IGSF3: variants seen among roughly 807,000 people sequenced by gnomAD.
The protein encoded by IGSF3 is glu-Trp-Ile EWI motif-containing protein 3.
In IGSF3, 23 loss-of-function variants were observed where a neutral mutation model predicts 114.4. The observed-to-expected ratio is 0.20, with a 90% CI of 0.14 to 0.28. The LOEUF is 0.28. IGSF3 is among the 10% of genes least tolerant of loss of function. The pLI is 1.00. For synonymous variants in IGSF3, 571 were observed against 645.2 expected (o/e 0.88, Z 1.74); for missense variants, 1,172 against 1,591.5 (o/e 0.74, Z 4.48).
intron 2 of IGSF3, among the ~76,000 whole-genome samples, chr1:116,640,852 T>TTAG (rs946500467): frequency 6.6e-5 from 10 of 152,370 alleles, no homozygotes; most frequent in African/African-American, 2.4e-4. Context: ...GTTTAAGTGT[T>TTAG]TCTATTCTTT....
In IGSF3 at chr1:116,603,912, C is replaced by G; in HGVS notation, c.1336G>C (p.Val446Leu). Residue 446 changes from valine (V) to leucine (L), a missense_variant, in exon 6 of 11, where the codon GTC (valine) becomes CTC (leucine). Transcript: ENST00000369486. This position sits in a 1 kb window ranked among gnomAD's most constrained non-coding sequence, Gnocchi z 7.1. ...TAGRPQGRFS[V>L]IWQLVDRQNR... ...TGCCTGTCCACAAGCTGCCAGATGA[C>G]AGAGAAGCGACCCTGCGGCCTGCCT... 1 of 1,614,092 alleles carries G rather than the reference C, an allele frequency of 6.2e-7. No individual in the cohort carries two copies. The highest frequency in any genetic ancestry group is 8.5e-7 in the Non-Finnish European group (1 of 1,180,010).
In IGSF3 at chr1:116,661,998, A is replaced by AGAGAG. The variant is rs1491538748; in HGVS notation, c.43+4281_43+4285dup. Among the ~76,000 whole-genome samples, 1 of 152,104 alleles carries AGAGAG rather than the reference A, an allele frequency of 6.6e-6. No homozygotes were observed. The highest frequency in any genetic ancestry group is 2.4e-5 in the African/African-American group (1 of 41,392). ...TGGACCATGAAGTCATCTTGGGAAT[A>AGAGAG]GAGAGCATGCACATGGAGCAAGACA... On this transcript the variant is annotated intron_variant, in intron 2 of 10. Coordinates refer to ENST00000369486, the MANE Select transcript of IGSF3 (RefSeq NM_001007237.3). This position sits in a 1 kb window ranked among gnomAD's most constrained non-coding sequence, Gnocchi z 4.0.
rs945023721 is a variant in IGSF3, at chr1:116,617,423, T to C, written c.44-966A>G. 72 of 955,002 alleles carry C rather than the reference T, an allele frequency of 7.5e-5. No individual in the cohort carries two copies. In the South Asian group the frequency reaches 1.1e-3, roughly 14 times the overall value. 59.2% of individuals were successfully genotyped at this position (955,002 alleles called of 1,614,324 possible). ...TTCGGCAGTGGTCACGTACTGCAGGTTGTGAAAAGCGCAGGTGAGTTACAG... is the reference window on the plus strand; with the variant it reads ...TTCGGCAGTGGTCACGTACTGCAGGCTGTGAAAAGCGCAGGTGAGTTACAG... On this transcript the variant is annotated intron_variant, in intron 2 of 10. Transcript: ENST00000369486.
chr1:116,614,134 G>A lies in IGSF3; in HGVS notation c.463C>T (p.Leu155=), dbSNP rs547320168. 16 of 1,613,612 alleles carry A rather than the reference G, an allele frequency of 9.9e-6. No homozygotes were observed. In the South Asian group the frequency reaches 1.6e-4, roughly 17 times the overall value. The change falls in exon 4 of 11, where the codon CTG becomes TTG. Residue 155 remains leucine, a synonymous_variant. Transcript: ENST00000369486. This position sits in a 1 kb window ranked among gnomAD's most constrained non-coding sequence, Gnocchi z 4.5. ...AGCGGGTCCTGCTCCACTCTGTGCAGAGTCTGGGGCATGGCAGTGGTCTGC... is the reference window on the plus strand; with the variant it reads ...AGCGGGTCCTGCTCCACTCTGTGCAAAGTCTGGGGCATGGCAGTGGTCTGC... ...SLQTTAMPQT[L]HRVEQDPLEL...
rs547347740 is a variant in IGSF3, at chr1:116,596,307, C to T, written c.2029+3634G>A. Among the ~76,000 whole-genome samples the T allele has an allele frequency of 5.3e-5, 8 of 152,212 alleles. No homozygotes were observed. Among genetic ancestry groups the T allele is most frequent in the Non-Finnish European group, 1.0e-4 (7 of 67,994 alleles). On this transcript the variant is annotated intron_variant, in intron 7 of 10. Coordinates refer to ENST00000369486, the MANE Select transcript of IGSF3 (RefSeq NM_001007237.3). This position sits in a 1 kb window ranked among gnomAD's most constrained non-coding sequence, Gnocchi z 4.1. The stretch of plus-strand genomic sequence containing the variant: ...ATATTTAACACAATATTCTTTAAAA[C>T]GGGGGTAGCAGGGGACATTTCTATG...
intron 2 of IGSF3, among the ~76,000 whole-genome samples, chr1:116,659,269 G>A (rs537155485): frequency 1.3e-5 from 2 of 152,272 alleles, no homozygotes; most frequent in African/African-American, 4.8e-5. Context: ...TGAAGGTGGA[G>A]TTCAAAAATA....
intron 6 of IGSF3, among the ~76,000 whole-genome samples, chr1:116,602,382 C>G (rs1660629944): frequency 6.6e-6 from 1 of 151,410 alleles, no homozygotes; most frequent in African/African-American, 2.4e-5. Context: ...AAAAACACAC[C>G]AGTACTGGAC....
At chr1:116,613,116 C>A (rs1661086372) in intron 4 of IGSF3, among the ~76,000 whole-genome samples, 1 of 152,158 alleles carries the variant, frequency 6.6e-6, no homozygotes, top group Non-Finnish European at 1.5e-5. Context: ...CTCTTGAGCC[C>A]CAACATAAAG....
rs776912571 is a variant in IGSF3 at position 116,603,945 on chromosome 1, G to C, written c.1303C>G (p.Arg435Gly). 4 of 1,613,782 alleles carry C rather than the reference G, an allele frequency of 2.5e-6. No homozygotes were observed. The South Asian group carries it at 3.3e-5, about 13-fold the overall frequency. Residue 435 changes from arginine to glycine, a missense_variant, in exon 6 of 11, where the codon CGC becomes GGC. Physicochemically the swap from Arg to Gly is moderately radical, Grantham distance 125. Around this residue, in one of 3 missense-constraint regions of IGSF3, gnomAD observed 736 missense variants for 1,042.0 expected, o/e 0.71. Transcript: ENST00000369486. The surrounding 1 kb of genome is among the most constrained non-coding windows in gnomAD (Gnocchi z 7.1). ...CGACCCTGCGGCCTGCCTGCCGTGC[G>C]GACACTGCAGGAGAAGCGCAGGTCC... is the stretch of plus-strand genomic sequence containing the variant. ...GEDLRFSCSVRTAGRPQGRFS... is the reference protein window; with the variant it reads ...GEDLRFSCSVGTAGRPQGRFS...
Position 116,636,050 on chromosome 1 carries a change from C to T in IGSF3, c.44-19593G>A, listed in dbSNP as rs1288555562. Among the ~76,000 whole-genome samples, 2 of 152,180 alleles carry T rather than the reference C, an allele frequency of 1.3e-5. No homozygotes were observed. Among genetic ancestry groups the T allele is most frequent in the Non-Finnish European group, 2.9e-5 (2 of 68,044 alleles). On this transcript the variant is annotated intron_variant, in intron 2 of 10. Coordinates refer to ENST00000369486, the MANE Select transcript of IGSF3 (RefSeq NM_001007237.3). The surrounding 1 kb of genome is among the most constrained non-coding windows in gnomAD (Gnocchi z 4.5). The stretch of plus-strand genomic sequence containing the variant: ...TTCTCCTGAACACCCTTTCCCAGTA[C>T]ACCTCCACTCGCCAGAACAACTGTC...
At chr1:116,652,589 G>C (rs1648678780) in intron 2 of IGSF3, among the ~76,000 whole-genome samples, 1 of 152,172 alleles carries the variant, frequency 6.6e-6, no homozygotes, top group South Asian at 2.1e-4. Flanking sequence ...GAGGTAGGTA[G>C]AAATAGAAAA....
chr1:116,663,496 G>A (rs1649197397), intron 2 of IGSF3, among the ~76,000 whole-genome samples: 1 of 151,446 alleles, frequency 6.6e-6, no homozygotes, highest in Non-Finnish European at 1.5e-5. Flanking sequence ...GGGTTGTGGT[G>A]GCAGAGCCAT....
Position 116,644,930 on chromosome 1 carries a change from T to C in IGSF3, c.43+21354A>G, listed in dbSNP as rs972411221. Reference sequence around the variant, plus strand: ...CCTTCATACATGGCTGGTGGGGAGGTAGGATGGTGCAGCCACTTTGGAAAA... The same window carrying C: ...CCTTCATACATGGCTGGTGGGGAGGCAGGATGGTGCAGCCACTTTGGAAAA... On this transcript the variant is annotated intron_variant, in intron 2 of 10. Transcript: ENST00000369486. The surrounding 1 kb of genome is among the most constrained non-coding windows in gnomAD (Gnocchi z 5.6). 6.6e-6 allele frequency among the ~76,000 whole-genome samples: 1 copy of C among 151,712 alleles called. No homozygotes were observed.
intron 7 of IGSF3, among the ~76,000 whole-genome samples, chr1:116,590,314 T>C (rs1660051470): frequency 6.7e-6 from 1 of 150,224 alleles, no homozygotes; most frequent in Non-Finnish European, 1.5e-5. Flanking sequence ...ACCCACCCCA[T>C]CATCATTAAC....
Position 116,608,178 on chromosome 1 carries a change from C to G in IGSF3, c.986G>C (p.Gly329Ala), listed in dbSNP as rs775386013. The part of the protein sequence containing the change: ...AFNSSLIATM[G>A]PNAVPVLNSE... ...GTTGAGGACAGGCACAGCGTTAGGACCCATGGTGGCGATGAGCGAGCTGTT... is the reference window on the plus strand; with the variant it reads ...GTTGAGGACAGGCACAGCGTTAGGAGCCATGGTGGCGATGAGCGAGCTGTT... Residue 329 changes from glycine to alanine, a missense_variant, in exon 5 of 11, where the codon GGT (glycine) becomes GCT (alanine). By Grantham distance (60) the Gly-to-Ala change is moderately conservative. Transcript: ENST00000369486. 3 of 1,612,050 alleles carry G rather than the reference C, an allele frequency of 1.9e-6. No homozygotes were observed. In the South Asian group the frequency reaches 3.3e-5, roughly 18 times the overall value.
chr1:116,635,621 G>A (rs927230971), intron 2 of IGSF3, among the ~76,000 whole-genome samples: 1 of 152,152 alleles, frequency 6.6e-6, no homozygotes, highest in Admixed American at 6.5e-5. Context: ...TTAAGAAAAG[G>A]CTTAAGGCAG....
intron 2 of IGSF3, among the ~76,000 whole-genome samples, chr1:116,620,321 G>A (rs1661374298): frequency 6.6e-6 from 1 of 152,138 alleles, no homozygotes; most frequent in African/African-American, 2.4e-5. Context: ...GACAAGAAGG[G>A]GACTGCAGAT....
At chr1:116,653,107 C>T (rs1648699552) in intron 2 of IGSF3, among the ~76,000 whole-genome samples, 1 of 152,212 alleles carries the variant, frequency 6.6e-6, no homozygotes, top group Non-Finnish European at 1.5e-5. Flanking sequence ...CTCTCGGATG[C>T]AGGCAGGATG....
Position 116,644,671 on chromosome 1 carries a change from G to A in IGSF3, c.43+21613C>T, listed in dbSNP as rs1483466054. On this transcript the variant is annotated intron_variant, in intron 2 of 10. Transcript: ENST00000369486. The surrounding 1 kb of genome is among the most constrained non-coding windows in gnomAD (Gnocchi z 5.6). ...GCAGAGAGGATGGGCAGCAAAGGAG[G>A]GTGTGTGTGGCGATCAGCCATCAGA... 6.6e-6 allele frequency among the ~76,000 whole-genome samples: 1 copy of A among 152,178 alleles called. No homozygotes were observed. Among genetic ancestry groups the A allele is most frequent in the Admixed American group, 6.5e-5 (1 of 15,280 alleles).
Sources: allele counts gnomAD v4.1 joint callset (sites outside exome capture counted in the v4.1 genomes callset), GRCh38; gene constraint gnomAD v4.1.1; regional missense constraint gnomAD v4.1.1; non-coding constraint Gnocchi (gnomAD v3.1); transcripts MANE v1.5; gene names NCBI Gene and HGNC (gene_info 2026-07-23, HGNC 2026-07-21).